The following NIFK variants were observed in gnomAD, a reference collection of about 807,000 sequenced individuals.
NIFK encodes MKI67 FHA domain-interacting nucleolar phosphoprotein.
Under a neutral mutation model 31.7 loss-of-function variants are expected in NIFK, and 16 were observed. That is an observed-to-expected ratio of 0.50 (90% CI 0.34 to 0.77). The LOEUF (loss-of-function observed/expected upper bound fraction) is 0.77, where lower values mean the gene tolerates loss of function less well. Among genes scored for constraint, NIFK ranks in the 30% least tolerant of loss-of-function variants. The probability of loss-of-function intolerance (pLI) is 0.01; values close to 1 mark genes in which losing one functional copy is unlikely to be tolerated. For missense variants in NIFK, 341 were observed against 350.4 expected (o/e 0.97, Z 0.21); for synonymous variants, 126 against 123.0 (o/e 1.02, Z -0.16).
rs185897740 is a variant in NIFK at position 121,727,580 on chromosome 2, C to T, written c.*144G>A. Reference sequence around the variant, plus strand: ...CAAGGGCAGGCAATCCAAAATTACACACTGCTTTCCTTAACTTGACCAAAC... The same window carrying T: ...CAAGGGCAGGCAATCCAAAATTACATACTGCTTTCCTTAACTTGACCAAAC... On this transcript the variant is annotated 3_prime_UTR_variant, in exon 7 of 7. Transcript: ENST00000285814. 4 of 781,332 alleles carry T rather than the reference C, an allele frequency of 5.1e-6. No individual in the cohort carries two copies. In the African/African-American group the frequency reaches 7.0e-5, roughly 14 times the overall value. The allele number at this position is 781,332 out of a possible 1,614,324, so 48.4% of individuals were successfully genotyped here.
rs776013950 is a variant in NIFK, at chr2:121,731,000, G to A, written c.457C>T (p.Arg153Trp). The A allele has an allele frequency of 5.0e-6, 8 of 1,611,926 alleles. No individual in the cohort carries two copies. The African/African-American group carries it at 6.7e-5, about 13-fold the overall frequency. ...YPSVKRYNRN[R>W]TLTQKLRMEE... ...ATCCGTAGCTTTTGTGTTAGTGTCC[G>A]ATTCCGATTATACCGTTTCACTGAT... Residue 153 changes from arginine (R) to tryptophan (W), a missense_variant, in exon 4 of 7, where the codon CGG (arginine) becomes TGG (tryptophan). Physicochemically the swap from Arg to Trp is moderately radical, Grantham distance 101 (BLOSUM62 -3). Transcript: ENST00000285814.
intron 2 of NIFK, among the ~76,000 whole-genome samples, chr2:121,732,691 A>T (rs147338268): frequency 2.6e-5 from 4 of 152,312 alleles, no homozygotes; most frequent in African/African-American, 9.6e-5. Context: ...AACACTCAAA[A>T]GAGAGGGGAA....
rs771247461 is a variant in NIFK at position 121,727,770 on chromosome 2, G to A, written c.836C>T (p.Thr279Ile). 13 of 1,607,242 alleles carry A rather than the reference G, an allele frequency of 8.1e-6. No homozygotes were observed. The highest frequency in any genetic ancestry group is 9.3e-6 in the Non-Finnish European group (11 of 1,178,634). ...CVKEEIQETQ[T>I]PTHSRKKRRR... ...TCTTTTTTTCCGTGAATGTGTAGGT[G>A]TTTGAGTCTCTTGTATTTCTTCTTT... The change falls in exon 7 of 7, where the codon ACA becomes ATA. Residue 279 changes from threonine to isoleucine, a missense_variant. Physicochemically the swap from Thr to Ile is moderately conservative, Grantham distance 89. Coordinates refer to ENST00000285814, the MANE Select transcript of NIFK (RefSeq NM_032390.5).
At chr2:121,735,163 A>G (rs1156334973) in intron 2 of NIFK, among the ~76,000 whole-genome samples, 1 of 152,226 alleles carries the variant, frequency 6.6e-6, no homozygotes, top group Non-Finnish European at 1.5e-5. Flanking sequence ...AAATACTCCC[A>G]GGAAGTTTTA....
chr2:121,730,966 C>T lies in NIFK; in HGVS notation c.491G>A (p.Arg164Gln), dbSNP rs755901483. The change falls in exon 4 of 7, where the codon CGA becomes CAA. Residue 164 changes from arginine (R) to glutamine (Q), a missense_variant. Physicochemically the swap from Arg to Gln is conservative, Grantham distance 43 (BLOSUM62 1). Coordinates refer to ENST00000285814, the MANE Select transcript of NIFK (RefSeq NM_032390.5). ...GAGTAATCTTTCTTTCTTTTTAAAT[C>T]GCTCCTCCATCCGTAGCTTTTGTGT... ...TLTQKLRMEE[R>Q]FKKKERLLRK... The T allele has an allele frequency of 6.8e-6, 11 of 1,613,018 alleles. No homozygotes were observed. In the Admixed American group the frequency reaches 8.3e-5, roughly 12 times the overall value.
chr2:121,729,239 T>G (rs111568988), intron 4 of NIFK, among the ~76,000 whole-genome samples: 2,801 of 151,900 alleles, frequency 0.018, 90 homozygotes, highest in African/African-American at 0.063. Flanking sequence ...TGGTGGTGTG[T>G]GCCTGTAGTC....
At chr2:121,732,812 C>A (rs2074552392) in intron 2 of NIFK, among the ~76,000 whole-genome samples, 1 of 152,068 alleles carries the variant, frequency 6.6e-6, no homozygotes, top group African/African-American at 2.4e-5. Context: ...GAAACCCCAT[C>A]TCTACTAAAA....
intron 4 of NIFK, 41 bp downstream of exon 4, chr2:121,730,852 T>TC (rs1012956205): frequency 7.0e-7 from 1 of 1,437,578 alleles, no homozygotes; most frequent in African/African-American, 1.4e-5. Context: ...CCCCCTCCCC[T>TC]CCCCACAACA....
In NIFK at chr2:121,736,851, G is replaced by A; in HGVS notation, c.-1C>T. On this transcript the variant is annotated 5_prime_UTR_variant, in exon 1 of 7. Coordinates refer to ENST00000285814, the MANE Select transcript of NIFK (RefSeq NM_032390.5). The stretch of plus-strand genomic sequence containing the variant: ...CAGCCGGGCCAGAAAAAGTCGCCAT[G>A]CCAAAAGCCGCCGACGCTAACCACG... 1 of 1,612,936 alleles carries A rather than the reference G, an allele frequency of 6.2e-7. No individual in the cohort carries two copies. Among genetic ancestry groups the A allele is most frequent in the East Asian group, 2.2e-5 (1 of 44,886 alleles).
rs189790614 is a variant in NIFK at position 121,730,992 on chromosome 2, T to C, written c.465A>G (p.Leu155=). ...GCTCCTCCATCCGTAGCTTTTGTGT[T>C]AGTGTCCGATTCCGATTATACCGTT... is the stretch of plus-strand genomic sequence containing the variant. The part of the protein sequence containing the change: ...SVKRYNRNRT[L]TQKLRMEERF... The change falls in exon 4 of 7, where the codon CTA becomes CTG. Residue 155 remains leucine, a synonymous_variant. Transcript: ENST00000285814. 6.2e-7 allele frequency: 1 copy of C among 1,613,056 alleles called. No individual in the cohort carries two copies. Among genetic ancestry groups the C allele is most frequent in the South Asian group, 1.1e-5 (1 of 91,052 alleles).
At position 121,735,752 on chromosome 2, in the gene NIFK, TAA is replaced by T. The variant is rs780989125; in HGVS notation, c.106-4_106-3del. 4.5e-5 allele frequency: 72 copies of T among 1,609,060 alleles called. No homozygotes were observed. The African/African-American group carries it at 9.1e-4, about 20-fold the overall frequency. On this transcript the variant is annotated splice_region_variant and splice_polypyrimidine_tract_variant and intron_variant, in intron 1 of 6. Coordinates refer to ENST00000285814, the MANE Select transcript of NIFK (RefSeq NM_032390.5). Reference sequence around the variant, plus strand: ...AGTAAGTTGTTCTTGTTTTTTTCGCTAAAGACGTAAAGACCAGGTAAATTAAA... The same window carrying T: ...AGTAAGTTGTTCTTGTTTTTTTCGCTAGACGTAAAGACCAGGTAAATTAAA...
intron 1 of NIFK, 66 bp downstream of exon 1, chr2:121,736,680 C>A: frequency 2.2e-6 from 3 of 1,394,192 alleles, no homozygotes; most frequent in Non-Finnish European, 3.1e-6. Flanking sequence ...AACCGTGCAA[C>A]CCCAGATACC....
At chr2:121,735,337 G>A (rs956306995) in intron 2 of NIFK, among the ~76,000 whole-genome samples, 1 of 152,124 alleles carries the variant, frequency 6.6e-6, no homozygotes, top group African/African-American at 2.4e-5. Flanking sequence ...TTGTACCAAA[G>A]GCTAACACAA....
chr2:121,734,718 C>G (rs1276703215), intron 2 of NIFK, among the ~76,000 whole-genome samples: 3 of 151,982 alleles, frequency 2.0e-5, no homozygotes, highest in Non-Finnish European at 4.4e-5. Flanking sequence ...TGCTTGAACC[C>G]GGGAAGCGGA....
intron 1 of NIFK, 74 bp from the exon 2 acceptor site, chr2:121,735,824 G>A: frequency 8.5e-6 from 11 of 1,301,036 alleles, no homozygotes; most frequent in Non-Finnish European, 9.5e-6. Flanking sequence ...CCTAGCCCTC[G>A]GCCCAAGAAC....
At chr2:121,729,255 T>A (rs900611301) in intron 4 of NIFK, among the ~76,000 whole-genome samples, 3 of 151,286 alleles carry the variant, frequency 2.0e-5, no homozygotes, top group African/African-American at 7.3e-5. Context: ...TAGTCCCAGC[T>A]ACTCGTGGGG....
In NIFK at chr2:121,727,442, A is replaced by G. The variant is rs1441014496; in HGVS notation, c.*282T>C. ...GCAGTTAGTGGTCAACTTTCTATCCAGGCAGAGTAAACTAAGGAGAGCTAT... is the reference window on the plus strand; with the variant it reads ...GCAGTTAGTGGTCAACTTTCTATCCGGGCAGAGTAAACTAAGGAGAGCTAT... On this transcript the variant is annotated 3_prime_UTR_variant, in exon 7 of 7. Coordinates refer to ENST00000285814, the MANE Select transcript of NIFK (RefSeq NM_032390.5). The G allele has an allele frequency of 3.5e-6, 2 of 577,052 alleles. No individual in the cohort carries two copies. Among genetic ancestry groups the G allele is most frequent in the Non-Finnish European group, 6.7e-6 (2 of 297,562 alleles). The allele number at this position is 577,052 out of a possible 1,614,324, so 35.7% of individuals were successfully genotyped here. A position where few individuals can be genotyped will look rare whatever the true frequency, so the allele number is the denominator to read the frequency against.
In NIFK at chr2:121,727,563, G is replaced by C. The variant is rs951691836; in HGVS notation, c.*161C>G. The C allele has an allele frequency of 6.8e-6, 5 of 735,658 alleles. No individual in the cohort carries two copies. The highest frequency in any genetic ancestry group is 2.7e-5 in the East Asian group (1 of 37,142). 45.6% of individuals were successfully genotyped at this position (735,658 alleles called of 1,614,324 possible). ...CACCCCTGTATTTCAGCCAAGGGCA[G>C]GCAATCCAAAATTACACACTGCTTT... On this transcript the variant is annotated 3_prime_UTR_variant, in exon 7 of 7. Transcript: ENST00000285814.
intron 3 of NIFK, 66 bp from the exon 4 acceptor site, chr2:121,731,170 T>G: frequency 1.2e-6 from 1 of 856,708 alleles, no homozygotes; most frequent in Non-Finnish European, 1.8e-6. Flanking sequence ...CGCAGTGCCA[T>G]TCCTCACACA....
Sources: gnomAD v4.1 joint callset for allele counts (sites outside exome capture counted in the v4.1 genomes callset) on GRCh38, gnomAD v4.1.1 for gene constraint, MANE v1.5 for transcripts, NCBI Gene and HGNC (gene_info 2026-07-23, HGNC 2026-07-21) for gene names.